The following PLEKHG6 variants were observed in gnomAD, a reference collection of about 807,000 sequenced individuals.
PLEKHG6 encodes pleckstrin homology domain-containing family G member 6.
A neutral mutation model predicts 97.5 loss-of-function variants in PLEKHG6; 91 were observed. The ratio of observed to expected loss-of-function variants is 0.93; its 90% CI spans 0.79 to 1.11. The LOEUF is 1.11. Among genes scored for constraint, PLEKHG6 ranks in the 50% most tolerant of loss-of-function variants. The pLI, the probability that PLEKHG6 is intolerant of heterozygous loss-of-function variation, is 0.00. For synonymous variants in PLEKHG6, 466 were observed against 425.5 expected, an observed-to-expected ratio of 1.10 and a Z score of -1.17; for missense variants, 1,044 against 1,031.0, an observed-to-expected ratio of 1.01 and a Z score of -0.17.
Position 6,326,476 on chromosome 12 carries a change from G to C in PLEKHG6, c.1573G>C (p.Glu525Gln). 1 of 1,613,266 alleles carries C rather than the reference G, an allele frequency of 6.2e-7. No homozygotes were observed. The highest frequency in any genetic ancestry group is 8.5e-7 in the Non-Finnish European group (1 of 1,179,668). The change falls in exon 14 of 16, where the codon GAG (glutamate) becomes CAG (glutamine). Residue 525 changes from glutamate (E) to glutamine (Q), a missense_variant. Coordinates refer to ENST00000684764, the MANE Select transcript of PLEKHG6 (RefSeq NM_001384598.1). ...AGAGGAGTATGTTCAACAGAAGAGGGAGCTCCTGACCCTCTATCGGGACCA... is the reference window on the plus strand; with the variant it reads ...AGAGGAGTATGTTCAACAGAAGAGGCAGCTCCTGACCCTCTATCGGGACCA... Reference protein sequence around the residue: ...KAEEYVQQKRELLTLYRDQDR... With the variant: ...KAEEYVQQKRQLLTLYRDQDR...
intron 10 of PLEKHG6, 73 bp downstream of exon 10, chr12:6,318,067 G>C (rs1343581404): frequency 8.1e-6 from 12 of 1,481,792 alleles, no homozygotes; most frequent in Non-Finnish European, 1.1e-5. Flanking sequence ...GGGCTGCAAG[G>C]CCAGAACACC....
chr12:6,327,479 T>TGGGCCCCCCCCCCCCCC lies in PLEKHG6; in HGVS notation c.1896_1897insGGGCCCCCCCCCCCCCC (p.Pro633GlyfsTer28). 1.9e-6 allele frequency: 3 copies of TGGGCCCCCCCCCCCCCC among 1,603,256 alleles called. No individual in the cohort carries two copies. The highest frequency in any genetic ancestry group is 2.6e-6 in the Non-Finnish European group (3 of 1,171,706). ...TGGAACTCCGGGACATCCCTCTGCG[T>TGGGCCCCCCCCCCCCCC]CCCCACCCTCCCGACCCCCAAGCTC... is the stretch of plus-strand genomic sequence containing the variant. On this transcript the variant is annotated frameshift_variant, in exon 15 of 16. Transcript: ENST00000684764. LOFTEE classifies it high-confidence loss of function.
rs538434697 is a variant in PLEKHG6, at chr12:6,319,641, C to T, written c.1524+533C>T. ...CTTTGGCCAGCTACTGTGCCAGCCA[C>T]TGGGAGAGCCCAAGATACAGCATCC... On this transcript the variant is annotated intron_variant, in intron 13 of 15. Coordinates refer to ENST00000684764, the MANE Select transcript of PLEKHG6 (RefSeq NM_001384598.1). 1.0e-4 allele frequency: 156 copies of T among 1,536,090 alleles called. 4 individuals are homozygous for T. In the South Asian group the frequency reaches 1.4e-3, roughly 14 times the overall value.
rs1238913077 is a variant in PLEKHG6 at position 6,327,887 on chromosome 12, C to T, written c.2304C>T (p.Ala768=). 4 of 1,492,276 alleles carry T rather than the reference C, an allele frequency of 2.7e-6. No homozygotes were observed. The highest frequency in any genetic ancestry group is 3.6e-6 in the Non-Finnish European group (4 of 1,121,802). 92.4% of individuals were successfully genotyped at this position (1,492,276 alleles called of 1,614,324 possible). The change falls in exon 15 of 16, where the codon GCC becomes GCT. Residue 768 remains alanine (A), a synonymous_variant. Coordinates refer to ENST00000684764, the MANE Select transcript of PLEKHG6 (RefSeq NM_001384598.1). The stretch of plus-strand genomic sequence containing the variant: ...GCAGGCCACGGAAGCTGACTCGGGC[C>T]CAGCTGCAGAGGATGCGGGGGCCCC... ...RDSRPRKLTR[A]QLQRMRGPHI... is the part of the protein sequence containing the mutation.
At chr12:6,317,769 G>A (rs1223000165) in intron 9 of PLEKHG6, 73 bp downstream of exon 9, 1 of 1,576,514 alleles carries the variant, frequency 6.3e-7, no homozygotes, top group Non-Finnish European at 8.6e-7. Flanking sequence ...TAGTGTGTCT[G>A]TGACAGTGTG....
At chr12:6,314,901 C>A in intron 3 of PLEKHG6, 104 bp from the exon 4 acceptor site, 1 of 1,070,090 alleles carries the variant, frequency 9.3e-7, no homozygotes. Flanking sequence ...CACAGACACA[C>A]GCACACACTT....
chr12:6,321,151 C>T (rs1007205226), intron 13 of PLEKHG6, among the ~76,000 whole-genome samples: 2 of 152,042 alleles, frequency 1.3e-5, no homozygotes, highest in Non-Finnish European at 2.9e-5. Context: ...TCCCAAGTAG[C>T]TGGGACTGCA....
Position 6,318,730 on chromosome 12 carries a change from C to A in PLEKHG6, c.1276-15C>A. ...CAGCTGACCCTGTCTCTTTCCCCTA[C>A]GCCCCCACCCCCAGCTGGACGTGTA... On this transcript the variant is annotated splice_polypyrimidine_tract_variant and intron_variant, in intron 11 of 15. Transcript: ENST00000684764. 6.2e-7 allele frequency: 1 copy of A among 1,612,490 alleles called. No individual in the cohort carries two copies. Among genetic ancestry groups the A allele is most frequent in the Non-Finnish European group, 8.5e-7 (1 of 1,178,646 alleles).
intron 13 of PLEKHG6, among the ~76,000 whole-genome samples, chr12:6,323,534 A>G (rs577008977): frequency 2.6e-5 from 4 of 152,340 alleles, no homozygotes; most frequent in African/African-American, 9.6e-5. Flanking sequence ...AAGCTTCTCC[A>G]GGGAGAAGAG....
At position 6,316,995 on chromosome 12, in the gene PLEKHG6, G is replaced by C. The variant is rs189308101; in HGVS notation, c.757-308G>C. ...ATGGGATCTGCAATGTCCTGACAAC[G>C]GTCCAGCTGAATTATCGATGGTGGG... On this transcript the variant is annotated intron_variant, in intron 7 of 15. Coordinates refer to ENST00000684764, the MANE Select transcript of PLEKHG6 (RefSeq NM_001384598.1). This position sits in a 1 kb window ranked among gnomAD's most constrained non-coding sequence, Gnocchi z 4.1. Among the ~76,000 whole-genome samples the C allele has an allele frequency of 1.3e-5, 2 of 152,296 alleles. No homozygotes were observed. Among genetic ancestry groups the C allele is most frequent in the East Asian group, 3.9e-4 (2 of 5,182 alleles).
chr12:6,317,593 T>G lies in PLEKHG6; in HGVS notation c.914T>G (p.Leu305Trp), dbSNP rs1947522625. ...TCTGGGAGGCAGATGCTCTGTGACT[T>G]GCTTATCAAGCCCCACCAGCGCATC... ...KRSGRQMLCDLLIKPHQRITK... is the reference protein window; with the variant it reads ...KRSGRQMLCDWLIKPHQRITK... The change falls in exon 9 of 16, where the codon TTG (leucine) becomes TGG (tryptophan). Residue 305 changes from leucine to tryptophan, a missense_variant. Coordinates refer to ENST00000684764, the MANE Select transcript of PLEKHG6 (RefSeq NM_001384598.1). 1 of 1,613,776 alleles carries G rather than the reference T, an allele frequency of 6.2e-7. No homozygotes were observed. The highest frequency in any genetic ancestry group is 8.5e-7 in the Non-Finnish European group (1 of 1,180,004).
chr12:6,327,479 T>TGGGGGCCCCCCC lies in PLEKHG6; in HGVS notation c.1896_1897insGGGGGCCCCCCC (p.Arg632_Pro633insGlyGlyProPro). On this transcript the variant is annotated inframe_insertion, in exon 15 of 16. Coordinates refer to ENST00000684764, the MANE Select transcript of PLEKHG6 (RefSeq NM_001384598.1). ...TGGAACTCCGGGACATCCCTCTGCG[T>TGGGGGCCCCCCC]CCCCACCCTCCCGACCCCCAAGCTC... 1.2e-5 allele frequency: 19 copies of TGGGGGCCCCCCC among 1,603,220 alleles called. No homozygotes were observed. The highest frequency in any genetic ancestry group is 2.2e-5 in the East Asian group (1 of 44,658).
Position 6,326,532 on chromosome 12 carries a change from C to T in PLEKHG6, c.1629C>T (p.Ser543=), listed in dbSNP as rs779256046. ...QDRESPSTRP[S]TPSLEGSQSS... ...GGGAGTCCCCCAGCACCAGGCCCTCCACGCCTTCCCTGGAGGGCTCTCAGA... is the reference window on the plus strand; with the variant it reads ...GGGAGTCCCCCAGCACCAGGCCCTCTACGCCTTCCCTGGAGGGCTCTCAGA... Residue 543 remains serine (S), a synonymous_variant, in exon 14 of 16, where the codon TCC becomes TCT. Transcript: ENST00000684764. 4.0e-5 allele frequency: 63 copies of T among 1,585,016 alleles called. No individual in the cohort carries two copies. The highest frequency in any genetic ancestry group is 5.2e-5 in the Non-Finnish European group (61 of 1,168,956).
At chr12:6,317,153 G>A (rs1947495494) in intron 7 of PLEKHG6, 150 bp from the exon 8 acceptor site, 1 of 615,758 alleles carries the variant, frequency 1.6e-6, no homozygotes, top group African/African-American at 1.8e-5. Flanking sequence ...GAGCATTCCT[G>A]GGAGGATCCT....
At chr12:6,318,039 G>A in intron 10 of PLEKHG6, 45 bp downstream of exon 10, 8 of 1,541,364 alleles carry the variant, frequency 5.2e-6, no homozygotes, top group South Asian at 2.5e-5. Flanking sequence ...AAGGTCCCAG[G>A]GATACTGGTG....
intron 2 of PLEKHG6, 87 bp from the exon 3 acceptor site, chr12:6,313,542 C>A: frequency 6.7e-7 from 1 of 1,492,218 alleles, no homozygotes; most frequent in South Asian, 1.2e-5. Context: ...GGAACAACAT[C>A]TAGAGCCAAG....
intron 13 of PLEKHG6, among the ~76,000 whole-genome samples, chr12:6,320,688 T>A (rs1358273077): frequency 1.3e-5 from 2 of 152,174 alleles, no homozygotes; most frequent in Non-Finnish European, 2.9e-5. Flanking sequence ...CGAAATCAGG[T>A]CACATTCACA....
Position 6,315,157 on chromosome 12 carries a change from G to C in PLEKHG6, c.447G>C (p.Val149=). The change falls in exon 4 of 16, where the codon GTG becomes GTC. Residue 149 remains valine, a synonymous_variant. Coordinates refer to ENST00000684764, the MANE Select transcript of PLEKHG6 (RefSeq NM_001384598.1). The surrounding 1 kb of genome is among the most constrained non-coding windows in gnomAD (Gnocchi z 4.5). ...LTIEKSWREL[V]PGHKEMSQEL... Reference sequence around the variant, plus strand: ...TCGAGAAGTCCTGGAGGGAGCTGGTGCCTGGGCACAAGGTGAGCCTGAAAC... The same window carrying C: ...TCGAGAAGTCCTGGAGGGAGCTGGTCCCTGGGCACAAGGTGAGCCTGAAAC... The C allele has an allele frequency of 6.2e-7, 1 of 1,611,230 alleles. No homozygotes were observed. Among genetic ancestry groups the C allele is most frequent in the Non-Finnish European group, 8.5e-7 (1 of 1,179,670 alleles).
Position 6,312,367 on chromosome 12 carries a change from G to A in PLEKHG6, c.138+3G>A. On this transcript the variant is annotated splice_donor_region_variant and intron_variant, in intron 2 of 15. Transcript: ENST00000684764. ...ATCCCCGAGGATACCCTGTGCTGGT[G>A]AGTCCAGGCTGTGCCCCAAAAGTGA... The A allele has an allele frequency of 1.3e-6, 2 of 1,581,890 alleles. No individual in the cohort carries two copies. Among genetic ancestry groups the A allele is most frequent in the South Asian group, 2.3e-5 (2 of 86,036 alleles).
Sources: gnomAD v4.1 joint callset for allele counts (sites outside exome capture counted in the v4.1 genomes callset) on GRCh38, gnomAD v4.1.1 for gene constraint, Gnocchi (gnomAD v3.1) non-coding constraint, MANE v1.5 for transcripts, NCBI Gene and HGNC (gene_info 2026-07-23, HGNC 2026-07-21) for gene names.